Variants in MEF2C observed in about 807,000 individuals in gnomAD.
MEF2C encodes myocyte enhancer factor 2C, also known as myocyte-specific enhancer factor 2C.
In MEF2C, 6 loss-of-function variants were observed where a neutral mutation model predicts 50.5. The observed-to-expected ratio is 0.12, with a 90% CI of 0.07 to 0.23. MEF2C has a LOEUF of 0.23. MEF2C is among the 10% of genes least tolerant of loss of function. MEF2C has a pLI of 1.00. For synonymous variants in MEF2C, 183 were observed against 228.0 expected (o/e 0.80, Z 1.78); for missense variants, 276 against 605.0 (o/e 0.46, Z 5.70).
intron 3 of MEF2C, among the ~76,000 whole-genome samples, chr5:88,798,735 A>G (rs1580881809): frequency 6.6e-6 from 1 of 151,838 alleles, no homozygotes. Context: ...GGTTTTTGGA[A>G]TTTTCAGCCT....
Position 88,736,087 on chromosome 5 carries a change from C to G in MEF2C, c.638-4186G>C, listed in dbSNP as rs1160163450. On this transcript the variant is annotated intron_variant, in intron 6 of 10. Transcript: ENST00000504921. ...TCTTCTATTATCCCCTCTCCTCCTT[C>G]CATCTCCATATCCAATGAGATACCA... 3.0e-6 allele frequency: 3 copies of G among 985,312 alleles called. No individual in the cohort carries two copies. In the African/African-American group the frequency reaches 5.2e-5, roughly 17 times the overall value. The allele number at this position is 985,312 out of a possible 1,614,324, so 61.0% of individuals were successfully genotyped here.
At chr5:88,766,137 C>A (rs1032429622) in intron 3 of MEF2C, among the ~76,000 whole-genome samples, 3 of 152,186 alleles carry the variant, frequency 2.0e-5, no homozygotes, top group Non-Finnish European at 4.4e-5. Context: ...ATGGACCCTG[C>A]ATTATTCCAT....
rs115912106 is a variant in MEF2C, at chr5:88,796,908, T to C, written c.258+7690A>G. On this transcript the variant is annotated intron_variant, in intron 3 of 10. Coordinates refer to ENST00000504921, the MANE Select transcript of MEF2C (RefSeq NM_002397.5). ...CCAGTAGTCATTCAGGAGCAGGTTC[T>C]TGAGGTTCCCTGTAGTTGTGTGGTT... Among the ~76,000 whole-genome samples, 709 of 152,358 alleles carry C rather than the reference T, an allele frequency of 4.7e-3. 2 individuals carry two copies. Among genetic ancestry groups the C allele is most frequent in the African/African-American group, 0.016 (683 of 41,576 alleles).
At chr5:88,768,606 G>C in intron 3 of MEF2C, 1 of 789,786 alleles carries the variant, frequency 1.3e-6, no homozygotes, top group Non-Finnish European at 1.5e-6. Flanking sequence ...TTAGCACAAG[G>C]CCTGGCAAGT....
At chr5:88,897,157 T>C (rs548615133) in intron 1 of MEF2C, among the ~76,000 whole-genome samples, 78 of 152,356 alleles carry the variant, frequency 5.1e-4, no homozygotes, top group Admixed American at 2.1e-3. Context: ...ATAACTTCTA[T>C]GATTATTTTT....
chr5:88,771,310 T>C (rs897740463), intron 3 of MEF2C: 1 of 529,564 alleles, frequency 1.9e-6, no homozygotes, highest in African/African-American at 2.1e-5. Flanking sequence ...GAAACACTGC[T>C]TTGATATACG....
intron 6 of MEF2C, chr5:88,735,140 T>C: frequency 7.1e-6 from 7 of 985,366 alleles, no homozygotes; most frequent in Non-Finnish European, 8.4e-6. Flanking sequence ...AATACATGCG[T>C]GTGGTTTACT....
intron 3 of MEF2C, chr5:88,772,306 T>C (rs1782730503): frequency 6.6e-6 from 1 of 152,224 alleles, no homozygotes; most frequent in African/African-American, 2.4e-5. Flanking sequence ...TCTGAGACAG[T>C]CAGGAACTCC....
intron 3 of MEF2C, among the ~76,000 whole-genome samples, chr5:88,800,761 T>G (rs1479682287): frequency 6.6e-6 from 1 of 152,200 alleles, no homozygotes; most frequent in Admixed American, 6.5e-5. Context: ...GTCACAGAGT[T>G]AAGTAAAATG....
rs117468160 is a variant in MEF2C, at chr5:88,733,257, T to C, written c.638-1356A>G. The C allele has an allele frequency of 3.4e-4, 330 of 984,410 alleles. 4 individuals carry two copies. The East Asian group carries it at 0.033, about 99-fold the overall frequency. The allele number at this position is 984,410 out of a possible 1,614,324, so 61.0% of individuals were successfully genotyped here. On this transcript the variant is annotated intron_variant, in intron 6 of 10. Coordinates refer to ENST00000504921, the MANE Select transcript of MEF2C (RefSeq NM_002397.5). The stretch of plus-strand genomic sequence containing the variant: ...CAGTAGGAAAGGGCTGAGGTAGGAG[T>C]TTAAAGAGCATGGTAAGGGGCACTG...
chr5:88,783,994 C>T (rs906144211), intron 3 of MEF2C, among the ~76,000 whole-genome samples: 2 of 152,128 alleles, frequency 1.3e-5, no homozygotes, highest in Non-Finnish European at 2.9e-5. Context: ...ACTGGAAGGC[C>T]ACTTTCAGAA....
intron 1 of MEF2C, among the ~76,000 whole-genome samples, chr5:88,863,411 A>G (rs1826147432): frequency 6.6e-6 from 1 of 152,214 alleles, no homozygotes; most frequent in African/African-American, 2.4e-5. Flanking sequence ...AGCAGTAGAC[A>G]TTTTATTGGC....
chr5:88,811,291 T>TCCATGAAG (rs1802682557), intron 2 of MEF2C, among the ~76,000 whole-genome samples: 1 of 152,136 alleles, frequency 6.6e-6, no homozygotes, highest in South Asian at 2.1e-4. Context: ...GAAGCATATG[T>TCCATGAAG]CCATGCGAAG....
At chr5:88,766,388 T>C (rs1007416981) in intron 3 of MEF2C, among the ~76,000 whole-genome samples, 1 of 152,234 alleles carries the variant, frequency 6.6e-6, no homozygotes, top group African/African-American at 2.4e-5. Flanking sequence ...TCTTAAATAC[T>C]ATTTTGTTAT....
chr5:88,815,970 T>A (rs992201640), intron 2 of MEF2C, among the ~76,000 whole-genome samples: 1 of 151,882 alleles, frequency 6.6e-6, no homozygotes, highest in African/African-American at 2.4e-5. Context: ...TTCCCAGAGG[T>A]GAAAGGGGCC....
chr5:88,770,720 T>C (rs1203602148), intron 3 of MEF2C, among the ~76,000 whole-genome samples: 1 of 152,204 alleles, frequency 6.6e-6, no homozygotes, highest in Admixed American at 6.5e-5. Flanking sequence ...TATTTGGTCT[T>C]CTGTGTTTTG....
At chr5:88,770,674 T>C (rs76938430) in intron 3 of MEF2C, among the ~76,000 whole-genome samples, 1 of 152,332 alleles carries the variant, frequency 6.6e-6, no homozygotes, top group Non-Finnish European at 1.5e-5. Flanking sequence ...CACCCTTGAT[T>C]CCGTAATTTC....
At chr5:88,878,935 G>C (rs1354065042) in intron 1 of MEF2C, among the ~76,000 whole-genome samples, 1 of 151,936 alleles carries the variant, frequency 6.6e-6, no homozygotes, top group Non-Finnish European at 1.5e-5. Context: ...ATATATAACT[G>C]CAACTGAAGG....
At chr5:88,792,476 C>T (rs536316472) in intron 3 of MEF2C, among the ~76,000 whole-genome samples, 5 of 152,232 alleles carry the variant, frequency 3.3e-5, no homozygotes, top group East Asian at 1.9e-4. Context: ...TACTCACTTC[C>T]GAAGTGACTC....
Sources: gnomAD v4.1 joint callset for allele counts (sites outside exome capture counted in the v4.1 genomes callset) on GRCh38, gnomAD v4.1.1 for gene constraint, MANE v1.5 for transcripts, NCBI Gene and HGNC (gene_info 2026-07-23, HGNC 2026-07-21) for gene names.